Variants in RIPOR3 observed in about 807,000 individuals in gnomAD.
RIPOR3 encodes RIPOR family member 3.
A neutral mutation model predicts 114.3 loss-of-function variants in RIPOR3; 95 were observed. The ratio of observed to expected loss-of-function variants is 0.83; its 90% confidence interval spans 0.70 to 0.99. The LOEUF is 0.99. Among genes scored for constraint, RIPOR3 ranks in the 50% least tolerant of loss-of-function variants. RIPOR3 has a pLI of 0.00. For missense variants in RIPOR3, 1,252 were observed against 1,266.9 expected, an observed-to-expected ratio of 0.99 and a Z score of 0.18; for synonymous variants, 575 against 543.8, an observed-to-expected ratio of 1.06 and a Z score of -0.80.
intron 2 of RIPOR3, among the ~76,000 whole-genome samples, chr20:50,629,805 A>G (rs1410772093): frequency 1.3e-5 from 2 of 152,204 alleles, no homozygotes; most frequent in Non-Finnish European, 2.9e-5. Flanking sequence ...CAGGTCACAG[A>G]GCCAGAAGAG....
At chr20:50,644,025 C>T (rs549432366) in intron 1 of RIPOR3, among the ~76,000 whole-genome samples, 2 of 151,952 alleles carry the variant, frequency 1.3e-5, no homozygotes, top group Non-Finnish European at 2.9e-5. Flanking sequence ...GAGGCTAAGG[C>T]AGGAGGATTT....
Position 50,630,732 on chromosome 20 carries a change from A to T in RIPOR3, c.122+6T>A, listed in dbSNP as rs113585337. 5.5e-4 allele frequency: 880 copies of T among 1,601,080 alleles called. 3 individuals are homozygous for T. The African/African-American group carries it at 0.01, about 19-fold the overall frequency. The stretch of plus-strand genomic sequence containing the variant: ...CACCCCGAAACAGGACACGGGGGGA[A>T]CTTACGCGATCCTCCGGCTCTGTGC... On this transcript the variant is annotated splice_donor_region_variant and intron_variant, in intron 2 of 21. Transcript: ENST00000327979.
At chr20:50,648,137 G>A (rs2085480308) in intron 1 of RIPOR3, among the ~76,000 whole-genome samples, 1 of 151,886 alleles carries the variant, frequency 6.6e-6, no homozygotes, top group Admixed American at 6.6e-5. Context: ...TTAGCTGGGT[G>A]TGTTGGTGGG....
rs146867553 is a variant in RIPOR3, at chr20:50,608,621, C to A, written c.802G>T (p.Asp268Tyr). ...AFIPTLHENL[D>Y]IKVTELRGLG... ...CCGGGCCCCATCCCCACCTTGATGT[C>A]CAGGTTCTCATGCAGCGTGGGGATG... Residue 268 changes from aspartate to tyrosine, a missense_variant, in exon 10 of 22, where the codon GAC becomes TAC. Physicochemically the swap from Asp to Tyr is radical, Grantham distance 160. Coordinates refer to ENST00000327979, the MANE Select transcript of RIPOR3 (RefSeq NM_001290268.2). 3.3e-5 allele frequency: 54 copies of A among 1,614,020 alleles called. No individual in the cohort carries two copies. In the East Asian group the frequency reaches 5.8e-4, roughly 17 times the overall value.
chr20:50,591,967 C>T (rs1281409551), intron 19 of RIPOR3, among the ~76,000 whole-genome samples: 2 of 152,074 alleles, frequency 1.3e-5, no homozygotes, highest in Non-Finnish European at 2.9e-5. Context: ...TGGTGGTGGG[C>T]GCCTGTAATC....
At chr20:50,666,019 G>A (rs2123481612) in intron 1 of RIPOR3, among the ~76,000 whole-genome samples, 1 of 151,354 alleles carries the variant, frequency 6.6e-6, no homozygotes, top group African/African-American at 2.4e-5. Flanking sequence ...TTGTAATGCT[G>A]AGTCCCAAGG....
At chr20:50,619,268 G>T (rs532995662) in intron 3 of RIPOR3, among the ~76,000 whole-genome samples, 43 of 150,262 alleles carry the variant, frequency 2.9e-4, no homozygotes, top group Non-Finnish European at 1.8e-4. Context: ...GCAAAACTCC[G>T]TCTCAAAAAA....
rs2082939777 is a variant in RIPOR3, at chr20:50,586,928, C to T, written c.*304G>A. The T allele has an allele frequency of 1.0e-5, 3 of 298,742 alleles. No homozygotes were observed. Among genetic ancestry groups the T allele is most frequent in the Non-Finnish European group, 6.3e-6 (1 of 158,956 alleles). The allele number at this position is 298,742 out of a possible 1,614,324, so 18.5% of individuals were successfully genotyped here. The stretch of plus-strand genomic sequence containing the variant: ...GCCTTGGCCCTTTTGTAGGTGGCCA[C>T]CTAGTTTGGCTCAGCTCTGCATCTC... On this transcript the variant is annotated 3_prime_UTR_variant, in exon 22 of 22. Coordinates refer to ENST00000327979, the MANE Select transcript of RIPOR3 (RefSeq NM_001290268.2).
At chr20:50,600,919 CTA>C (rs1474554911) in intron 13 of RIPOR3, among the ~76,000 whole-genome samples, 1 of 151,984 alleles carries the variant, frequency 6.6e-6, no homozygotes, top group African/African-American at 2.4e-5. Context: ...TTTTTTTCCC[CTA>C]TGTTGATTTG....
intron 19 of RIPOR3, chr20:50,590,045 C>G: frequency 2.9e-6 from 1 of 344,728 alleles, no homozygotes; most frequent in Non-Finnish European, 5.6e-6. Flanking sequence ...CATTCTGAAA[C>G]TGCTGTCTAT....
chr20:50,651,544 T>C (rs2085612324), intron 1 of RIPOR3, among the ~76,000 whole-genome samples: 1 of 152,190 alleles, frequency 6.6e-6, no homozygotes, highest in Admixed American at 6.5e-5. Flanking sequence ...CACTATAGTC[T>C]GGTGGTTAGA....
chr20:50,670,735 G>C (rs2086448718), intron 1 of RIPOR3, among the ~76,000 whole-genome samples: 1 of 152,130 alleles, frequency 6.6e-6, no homozygotes, highest in African/African-American at 2.4e-5. Flanking sequence ...CTGCGTGGCA[G>C]CAGACAGGTG....
intron 2 of RIPOR3, among the ~76,000 whole-genome samples, chr20:50,622,184 C>CTTT (rs1291668979): frequency 7.2e-6 from 1 of 139,734 alleles, no homozygotes; most frequent in Non-Finnish European, 1.6e-5. Context: ...CATCAGTTCT[C>CTTT]TTTTTTTTTT....
At chr20:50,635,093 A>C (rs747542923) in intron 1 of RIPOR3, among the ~76,000 whole-genome samples, 6 of 152,334 alleles carry the variant, frequency 3.9e-5, no homozygotes, top group African/African-American at 4.8e-5. Context: ...CAGGCCATAC[A>C]GTTTTTGTCA....
chr20:50,609,697 CAGT>C lies in RIPOR3; in HGVS notation c.449_451del (p.Tyr150del), dbSNP rs922295261. ...GCCGTCGCGCAGGCGGCACTGGATG[CAGT>C]AGTCCTCGTACAGCTCATCCACCTG... On this transcript the variant is annotated inframe_deletion, in exon 7 of 22. Coordinates refer to ENST00000327979, the MANE Select transcript of RIPOR3 (RefSeq NM_001290268.2). 1.4e-5 allele frequency: 19 copies of C among 1,391,364 alleles called. No homozygotes were observed. Among genetic ancestry groups the C allele is most frequent in the Non-Finnish European group, 1.6e-5 (17 of 1,072,018 alleles). 86.2% of individuals were successfully genotyped at this position (1,391,364 alleles called of 1,614,324 possible).
intron 17 of RIPOR3, 99 bp from the exon 18 acceptor site, chr20:50,593,295 G>A (rs941727234): frequency 5.5e-5 from 76 of 1,373,532 alleles, no homozygotes; most frequent in South Asian, 7.0e-5. Flanking sequence ...TTTCTGGGCC[G>A]GGCGCAGTGG....
intron 1 of RIPOR3, among the ~76,000 whole-genome samples, chr20:50,683,949 T>C (rs2086937291): frequency 6.6e-6 from 1 of 151,900 alleles, no homozygotes; most frequent in Non-Finnish European, 1.5e-5. Context: ...AGCGTGGTAG[T>C]GTGCACCTAT....
intron 1 of RIPOR3, among the ~76,000 whole-genome samples, chr20:50,665,421 C>T (rs1244851298): frequency 5.6e-5 from 6 of 107,848 alleles, no homozygotes; most frequent in Admixed American, 3.4e-4. Flanking sequence ...CCCCCTCTTC[C>T]TTTTTTTTTT....
intron 13 of RIPOR3, 100 bp downstream of exon 13, chr20:50,601,972 C>G (rs1601476972): frequency 8.2e-7 from 1 of 1,214,700 alleles, no homozygotes; most frequent in Admixed American, 2.9e-5. Flanking sequence ...AGAGGTGAGG[C>G]CAGGATGTCG....
Sources: allele counts gnomAD v4.1 joint callset (sites outside exome capture counted in the v4.1 genomes callset), GRCh38; gene constraint gnomAD v4.1.1; transcripts MANE v1.5; gene names NCBI Gene and HGNC (gene_info 2026-07-23, HGNC 2026-07-21).